CNKSR2: variants seen among roughly 807,000 people sequenced by gnomAD.
The protein encoded by CNKSR2 is CNK homolog protein 2.
Under a neutral mutation model 84.4 loss-of-function variants are expected in CNKSR2, and 14 were observed. That is an observed-to-expected ratio of 0.17 (90% CI 0.11 to 0.26). The LOEUF (loss-of-function observed/expected upper bound fraction) is 0.26. Ranked by LOEUF, CNKSR2 falls within the 10% of genes least tolerant of loss-of-function variation. The pLI is 1.00. For synonymous variants in CNKSR2, 275 were observed against 277.9 expected, an observed-to-expected ratio of 0.99 and a Z score of 0.10; for missense variants, 485 against 771.2, an observed-to-expected ratio of 0.63 and a Z score of 4.40.
intron 11 of CNKSR2, among the ~76,000 whole-genome samples, chrX:21,545,277 C>T (rs1199858700): frequency 8.9e-6 from 1 of 112,041 alleles, no homozygotes; most frequent in Non-Finnish European, 1.9e-5. Context: ...CTGGGAAATT[C>T]GAACTGGGCG....
At chrX:21,635,484 ATGTATATG>A (rs969758337) in intron 20 of CNKSR2, among the ~76,000 whole-genome samples, 5 of 104,788 alleles carry the variant, frequency 4.8e-5, no homozygotes, top group Admixed American at 3.2e-4. Context: ...ATATAAATAT[ATGTATATG>A]TGTATATATG....
chrX:21,602,042 T>A (rs1439077542), intron 18 of CNKSR2, among the ~76,000 whole-genome samples: 1 of 112,557 alleles, frequency 8.9e-6, no homozygotes, highest in Non-Finnish European at 1.9e-5. Context: ...TCAGTGGGCA[T>A]AGCCAGTTTA....
intron 2 of CNKSR2, chrX:21,428,630 TA>T (rs1330843625): frequency 2.7e-5 from 3 of 111,300 alleles, no homozygotes; most frequent in Non-Finnish European, 5.7e-5. Flanking sequence ...AAAATGTAAA[TA>T]AAAATATATA....
chrX:21,609,741 T>G, intron 20 of CNKSR2, 124 bp downstream of exon 20: 1 of 926,179 alleles, frequency 1.1e-6, no homozygotes, highest in South Asian at 3.0e-5. Context: ...TGCTATATAG[T>G]AAGTTAGGTC....
At chrX:21,490,328 T>G in intron 5 of CNKSR2, 131 bp from the exon 6 acceptor site, 1 of 599,885 alleles carries the variant, frequency 1.7e-6, no homozygotes, top group Non-Finnish European at 2.5e-6. Flanking sequence ...TGTACAGATT[T>G]TACAGAATAA....
chrX:21,477,870 C>A (rs1354706348), intron 5 of CNKSR2, among the ~76,000 whole-genome samples: 1 of 111,970 alleles, frequency 8.9e-6, no homozygotes, highest in Non-Finnish European at 1.9e-5. Context: ...ACTCTAGTGA[C>A]TTAAAAATCC....
At chrX:21,436,120 C>T (rs1372147811) in intron 3 of CNKSR2, among the ~76,000 whole-genome samples, 1 of 111,450 alleles carries the variant, frequency 9.0e-6, no homozygotes, top group Non-Finnish European at 1.9e-5. Flanking sequence ...CCACATCAAA[C>T]GCTACCAGAT....
chrX:21,522,802 G>A (rs2091798025), intron 9 of CNKSR2, among the ~76,000 whole-genome samples: 1 of 110,498 alleles, frequency 9.0e-6, no homozygotes, highest in Non-Finnish European at 1.9e-5. Flanking sequence ...TGTTTAAGCT[G>A]GATGAGTAAG....
At chrX:21,469,796 C>T (rs2091175564) in intron 4 of CNKSR2, among the ~76,000 whole-genome samples, 1 of 110,481 alleles carries the variant, frequency 9.1e-6, no homozygotes, top group South Asian at 3.9e-4. Context: ...CCTGTAATCC[C>T]AGCTACTAGG....
rs148103221 is a variant in CNKSR2, at chrX:21,609,151, T to C, written c.2226T>C (p.His742=). ...AGACTTCTCAGTCTCAGTCTTCTCATGAGGAGTTTCGCCAGGAAGTAACTG... is the reference window on the plus strand; with the variant it reads ...AGACTTCTCAGTCTCAGTCTTCTCACGAGGAGTTTCGCCAGGAAGTAACTG... The part of the protein sequence containing the change: ...STETSQSQSS[H]EEFRQEVTGS... Residue 742 remains histidine, a synonymous_variant, in exon 20 of 22, where the codon CAT becomes CAC. Coordinates refer to ENST00000379510, the MANE Select transcript of CNKSR2 (RefSeq NM_014927.5). 16 of 1,209,678 alleles carry C rather than the reference T, an allele frequency of 1.3e-5. No homozygotes were observed. The African/African-American group carries it at 2.1e-4, about 16-fold the overall frequency.
chrX:21,607,989 C>T (rs907190692), intron 19 of CNKSR2: 7 of 111,023 alleles, frequency 6.3e-5, no homozygotes, highest in Admixed American at 1.9e-4. Flanking sequence ...TTTTCTAAAA[C>T]GTCAGGATCT....
At chrX:21,478,050 T>G (rs980991077) in intron 5 of CNKSR2, among the ~76,000 whole-genome samples, 1 of 111,524 alleles carries the variant, frequency 9.0e-6, no homozygotes, top group African/African-American at 3.3e-5. Flanking sequence ...TTTGAACATA[T>G]AAATTATGGT....
chrX:21,469,068 C>A (rs948195991), intron 4 of CNKSR2, among the ~76,000 whole-genome samples: 1 of 112,066 alleles, frequency 8.9e-6, no homozygotes, highest in Admixed American at 9.5e-5. Context: ...AGTTACTTTC[C>A]GTATGATTAT....
intron 1 of CNKSR2, among the ~76,000 whole-genome samples, chrX:21,394,474 T>C (rs2090094371): frequency 9.0e-6 from 1 of 111,628 alleles, no homozygotes; most frequent in African/African-American, 3.3e-5. Context: ...CGAGTCAATG[T>C]TTTTACTTAT....
At chrX:21,440,059 A>T (rs961392565) in intron 3 of CNKSR2, among the ~76,000 whole-genome samples, 1 of 111,279 alleles carries the variant, frequency 9.0e-6, no homozygotes, top group Admixed American at 9.6e-5. Context: ...ACACATGACT[A>T]AATGAGTTGC....
At chrX:21,561,636 G>A in intron 12 of CNKSR2, 76 bp downstream of exon 12, 1 of 737,419 alleles carries the variant, frequency 1.4e-6, no homozygotes, top group East Asian at 3.3e-5. Context: ...TAAATAGATT[G>A]TTATGGCTTC....
intron 1 of CNKSR2, among the ~76,000 whole-genome samples, chrX:21,413,170 T>G (rs1338496385): frequency 9.0e-6 from 1 of 111,697 alleles, no homozygotes; most frequent in Non-Finnish European, 1.9e-5. Context: ...ACAGTATCTG[T>G]CCTTTTGTGA....
intron 11 of CNKSR2, 162 bp downstream of exon 11, chrX:21,532,229 T>G (rs1569225991): frequency 6.0e-6 from 2 of 334,415 alleles, no homozygotes; most frequent in Non-Finnish European, 1.0e-5. Flanking sequence ...TTCTACAATA[T>G]GAGACATTAT....
intron 8 of CNKSR2, chrX:21,506,756 C>CT (rs1169295006): frequency 9.0e-6 from 1 of 111,187 alleles, no homozygotes; most frequent in Non-Finnish European, 1.9e-5. Context: ...AGAGTAGTTG[C>CT]TTTTTTAAAA....
Sources: allele counts gnomAD v4.1 joint callset (sites outside exome capture counted in the v4.1 genomes callset), GRCh38; gene constraint gnomAD v4.1.1; transcripts MANE v1.5; gene names NCBI Gene and HGNC (gene_info 2026-07-23, HGNC 2026-07-21).